The following SLC16A7 variants were observed in gnomAD, a reference collection of about 807,000 sequenced individuals.
SLC16A7 encodes solute carrier family 16 member 7.
A neutral mutation model predicts 34.9 loss-of-function variants in SLC16A7; 33 were observed. The ratio of observed to expected loss-of-function variants is 0.94; its 90% CI spans 0.72 to 1.26. The LOEUF is 1.26. SLC16A7 is among the 50% of genes most tolerant of loss of function. The pLI is 0.00. For synonymous variants in SLC16A7, 201 were observed against 206.6 expected, an observed-to-expected ratio of 0.97 and a Z score of 0.23; for missense variants, 573 against 578.1, an observed-to-expected ratio of 0.99 and a Z score of 0.09.
chr12:59,664,106 CTT>C lies in SLC16A7; in HGVS notation c.-31+8857_-31+8858del, dbSNP rs558999646. Among the ~76,000 whole-genome samples, 95 of 152,130 alleles carry C rather than the reference CTT, an allele frequency of 6.2e-4. 1 individual carries two copies. The East Asian group carries it at 0.017, about 28-fold the overall frequency. On this transcript the variant is annotated intron_variant, in intron 2 of 5. Coordinates refer to ENST00000547379, the MANE Select transcript of SLC16A7 (RefSeq NM_001270623.2). ...ACCCCATATTTTACAGCTATATGGC[CTT>C]ACATAAGTAATCAAAACGCTGAGCT... is the stretch of plus-strand genomic sequence containing the variant.
Position 59,783,319 on chromosome 12 carries a change from A to G in SLC16A7, c.*3640A>G, listed in dbSNP as rs1240698544. On this transcript the variant is annotated 3_prime_UTR_variant, in exon 6 of 6. Transcript: ENST00000547379. ...GCTTATGTAATGCCTTTCAATATGA[A>G]AACCAAAACCATGGCAGAATTATTA... The G allele has an allele frequency of 6.6e-6, 1 of 152,182 alleles. No individual in the cohort carries two copies. The highest frequency in any genetic ancestry group is 1.5e-5 in the Non-Finnish European group (1 of 68,024). 9.4% of individuals were successfully genotyped at this position (152,182 alleles called of 1,614,324 possible).
intron 1 of SLC16A7, among the ~76,000 whole-genome samples, chr12:59,620,045 C>A (rs1879631755): frequency 6.6e-6 from 1 of 151,916 alleles, no homozygotes; most frequent in African/African-American, 2.4e-5. Flanking sequence ...TTAGATGATG[C>A]TAATAGCAAC....
At chr12:59,768,988 ACT>A (rs1189591423) in intron 3 of SLC16A7, 3 of 152,146 alleles carry the variant, frequency 2.0e-5, no homozygotes, top group East Asian at 1.9e-4. Flanking sequence ...ACAGAGCAAG[ACT>A]CTGTCTCAAC....
chr12:59,605,913 T>A (rs888854220), intron 1 of SLC16A7, among the ~76,000 whole-genome samples: 1 of 152,234 alleles, frequency 6.6e-6, no homozygotes, highest in Non-Finnish European at 1.5e-5. Flanking sequence ...GGTATGTAAC[T>A]TTTAGAGCCC....
intron 2 of SLC16A7, among the ~76,000 whole-genome samples, chr12:59,661,421 T>C (rs1020138007): frequency 6.6e-6 from 1 of 152,024 alleles, no homozygotes; most frequent in African/African-American, 2.4e-5. Context: ...ACTGGCAGAA[T>C]GTTAGTGCAT....
chr12:59,698,394 A>C (rs1872551414), intron 2 of SLC16A7, among the ~76,000 whole-genome samples: 1 of 151,868 alleles, frequency 6.6e-6, no homozygotes, highest in East Asian at 1.9e-4. Flanking sequence ...ATACAGGTAA[A>C]TATTTACTGC....
chr12:59,758,000 G>A (rs1226357869), intron 3 of SLC16A7, among the ~76,000 whole-genome samples: 1 of 152,004 alleles, frequency 6.6e-6, no homozygotes. Flanking sequence ...TTAGCTATTA[G>A]TTATTTTTTG....
intron 2 of SLC16A7, among the ~76,000 whole-genome samples, chr12:59,686,095 C>CTTTTTTT (rs572779305): frequency 2.1e-4 from 20 of 93,502 alleles, no homozygotes; most frequent in Non-Finnish European, 3.0e-4. Context: ...AAGAACTTTT[C>CTTTTTTT]TTTTTTTTTT....
At position 59,781,131 on chromosome 12, in the gene SLC16A7, T is replaced by G. The variant is rs1212829011; in HGVS notation, c.*1452T>G. ...ATTTTCATAACTATGTGAAAACATCTGGGAATTTGAATCACTCCTGAATAC... is the reference window on the plus strand; with the variant it reads ...ATTTTCATAACTATGTGAAAACATCGGGGAATTTGAATCACTCCTGAATAC... On this transcript the variant is annotated 3_prime_UTR_variant, in exon 6 of 6. Transcript: ENST00000547379. 1 of 152,154 alleles carries G rather than the reference T, an allele frequency of 6.6e-6. No individual in the cohort carries two copies. The highest frequency in any genetic ancestry group is 2.4e-5 in the African/African-American group (1 of 41,442). 9.4% of individuals were successfully genotyped at this position (152,154 alleles called of 1,614,324 possible). A position where few individuals can be genotyped will look rare whatever the true frequency, so the allele number is the denominator to read the frequency against.
chr12:59,658,407 G>A lies in SLC16A7; in HGVS notation c.-31+3157G>A, dbSNP rs545111361. Among the ~76,000 whole-genome samples the A allele has an allele frequency of 5.9e-5, 9 of 152,126 alleles. No individual in the cohort carries two copies. The East Asian group carries it at 1.7e-3, about 29-fold the overall frequency. ...TAGCCTTGGAGAACTGTTTGAACAT[G>A]GAACCTACAAAGGATATCACTGTTT... On this transcript the variant is annotated intron_variant, in intron 2 of 5. Transcript: ENST00000547379.
chr12:59,704,909 C>T lies in SLC16A7; in HGVS notation c.108C>T (p.Phe36=). The T allele has an allele frequency of 3.1e-6, 5 of 1,613,226 alleles. No individual in the cohort carries two copies. Among genetic ancestry groups the T allele is most frequent in the Non-Finnish European group, 4.2e-6 (5 of 1,179,250 alleles). Residue 36 remains phenylalanine, a synonymous_variant, in exon 3 of 6, where the codon TTC becomes TTT. Coordinates refer to ENST00000547379, the MANE Select transcript of SLC16A7 (RefSeq NM_001270623.2). Reference sequence around the variant, plus strand: ...TCTCCATTGGATTTTCCTATGCATTCCCCAAAGCTGTCACCGTATTCTTCA... The same window carrying T: ...TCTCCATTGGATTTTCCTATGCATTTCCCAAAGCTGTCACCGTATTCTTCA... ...AFISIGFSYA[F]PKAVTVFFKE... is the part of the protein sequence containing the mutation.
intron 1 of SLC16A7, among the ~76,000 whole-genome samples, chr12:59,631,512 G>A (rs867191936): frequency 2.0e-5 from 3 of 151,992 alleles, no homozygotes; most frequent in Non-Finnish European, 2.9e-5. Flanking sequence ...CATTTATAAC[G>A]CATTGAGTAT....
chr12:59,623,078 G>GTGTGTGTGTC (rs1879767461), intron 1 of SLC16A7, among the ~76,000 whole-genome samples: 1 of 147,974 alleles, frequency 6.8e-6, no homozygotes, highest in South Asian at 2.1e-4. Context: ...GTGTGTGTGT[G>GTGTGTGTGTC]TGTGTGTGTG....
At chr12:59,740,489 G>A (rs1328196460) in intron 3 of SLC16A7, among the ~76,000 whole-genome samples, 5 of 152,078 alleles carry the variant, frequency 3.3e-5, no homozygotes, top group African/African-American at 1.2e-4. Flanking sequence ...ATGCAGAAAA[G>A]GCCTTTGACA....
At chr12:59,629,462 A>G (rs1880080874) in intron 1 of SLC16A7, among the ~76,000 whole-genome samples, 1 of 151,980 alleles carries the variant, frequency 6.6e-6, no homozygotes, top group Admixed American at 6.6e-5. Flanking sequence ...TTGTTTAGCT[A>G]TTATGTTATA....
At position 59,780,983 on chromosome 12, in the gene SLC16A7, C is replaced by T. The variant is rs1251344778; in HGVS notation, c.*1304C>T. 1 of 152,082 alleles carries T rather than the reference C, an allele frequency of 6.6e-6. No homozygotes were observed. The highest frequency in any genetic ancestry group is 1.5e-5 in the Non-Finnish European group (1 of 68,016). The allele number at this position is 152,082 out of a possible 1,614,324, so 9.4% of individuals were successfully genotyped here. Reference sequence around the variant, plus strand: ...CTGCTGCCTTTGGACATAACTAAGCCAGGAAACTTTAAAAGCCTTCTAGAA... The same window carrying T: ...CTGCTGCCTTTGGACATAACTAAGCTAGGAAACTTTAAAAGCCTTCTAGAA... On this transcript the variant is annotated 3_prime_UTR_variant, in exon 6 of 6. Transcript: ENST00000547379.
At chr12:59,734,055 C>T (rs554921464) in intron 3 of SLC16A7, 2 of 286,604 alleles carry the variant, frequency 7.0e-6, no homozygotes, top group Middle Eastern at 1.4e-3. Flanking sequence ...TACAGACTAC[C>T]CAGAACTGAC....
chr12:59,617,515 C>T (rs542752306), intron 1 of SLC16A7, among the ~76,000 whole-genome samples: 2 of 152,066 alleles, frequency 1.3e-5, no homozygotes, highest in South Asian at 2.1e-4. Flanking sequence ...TTATAATGCC[C>T]TGTACATACC....
intron 1 of SLC16A7, among the ~76,000 whole-genome samples, chr12:59,637,128 C>A (rs926747760): frequency 2.6e-5 from 4 of 152,104 alleles, no homozygotes; most frequent in Admixed American, 2.6e-4. Flanking sequence ...TTGCTTTAGC[C>A]TCTGACTGCT....
Sources: allele counts gnomAD v4.1 joint callset (sites outside exome capture counted in the v4.1 genomes callset), GRCh38; gene constraint gnomAD v4.1.1; transcripts MANE v1.5; gene names NCBI Gene and HGNC (gene_info 2026-07-23, HGNC 2026-07-21).